The following KTN1 variants were observed in gnomAD, a reference collection of about 807,000 sequenced individuals.
KTN1 encodes kinectin.
Under a neutral mutation model 222.5 loss-of-function variants are expected in KTN1, and 130 were observed. The ratio of observed to expected loss-of-function variants is 0.58; its 90% CI spans 0.51 to 0.68. KTN1 has a LOEUF of 0.68. Among genes scored for constraint, KTN1 ranks in the 30% least tolerant of loss-of-function variants. The pLI is 0.00. For synonymous variants in KTN1, 512 were observed against 496.3 expected (o/e 1.03, Z -0.42); for missense variants, 1,508 against 1,500.4 (o/e 1.01, Z -0.08).
intron 1 of KTN1, among the ~76,000 whole-genome samples, chr14:55,591,044 A>G (rs1036153828): frequency 1.3e-5 from 2 of 151,110 alleles, no homozygotes; most frequent in Non-Finnish European, 3.0e-5. Context: ...ATATTTTACA[A>G]CCTGTTTCCT....
chr14:55,580,593 G>C (rs977856692), intron 1 of KTN1, among the ~76,000 whole-genome samples: 1 of 151,708 alleles, frequency 6.6e-6, no homozygotes, highest in African/African-American at 2.4e-5. Flanking sequence ...CGGCCTCGCG[G>C]GGCCGCTCTG....
At chr14:55,660,136 C>T (rs1322094496) in intron 31 of KTN1, among the ~76,000 whole-genome samples, 1 of 151,972 alleles carries the variant, frequency 6.6e-6, no homozygotes, top group Non-Finnish European at 1.5e-5. Flanking sequence ...ATCCCAGCAG[C>T]TGGGGAGACT....
At chr14:55,606,885 C>G (rs1489209375) in intron 1 of KTN1, among the ~76,000 whole-genome samples, 1 of 152,126 alleles carries the variant, frequency 6.6e-6, no homozygotes, top group African/African-American at 2.4e-5. Flanking sequence ...ATACTCAACA[C>G]AAAACTTTTA....
chr14:55,683,682 T>C (rs2046556630), intron 43 of KTN1: 1 of 152,854 alleles, frequency 6.5e-6, no homozygotes, highest in African/African-American at 2.5e-5. Context: ...TCATCTTATC[T>C]GACTTAGAAA....
chr14:55,610,794 A>G (rs1434037616), intron 1 of KTN1, among the ~76,000 whole-genome samples: 1 of 152,240 alleles, frequency 6.6e-6, no homozygotes, highest in Non-Finnish European at 1.5e-5. Flanking sequence ...CATCAGAATC[A>G]TTTATACTTT....
chr14:55,658,720 G>A (rs773770779), intron 30 of KTN1, 106 bp downstream of exon 30: 18 of 681,654 alleles, frequency 2.6e-5, no homozygotes, highest in African/African-American at 5.5e-5. Context: ...TGAGAATGAA[G>A]TATGTTTTAT....
At chr14:55,656,361 T>A in intron 29 of KTN1, 1 of 388,496 alleles carries the variant, frequency 2.6e-6, no homozygotes, top group Non-Finnish European at 4.6e-6. Context: ...AACTTGTATA[T>A]TTTGCTTTCT....
chr14:55,651,976 T>C (rs745917236), intron 25 of KTN1, 49 bp downstream of exon 25: 2 of 1,128,518 alleles, frequency 1.8e-6, no homozygotes, highest in South Asian at 1.4e-5. Flanking sequence ...TTTCATGAGT[T>C]AAATAGAAGT....
At chr14:55,584,622 T>G (rs2032536839) in intron 1 of KTN1, among the ~76,000 whole-genome samples, 1 of 152,232 alleles carries the variant, frequency 6.6e-6, no homozygotes, top group African/African-American at 2.4e-5. Context: ...GTCTGATTCT[T>G]GTACCTTGCT....
intron 18 of KTN1, chr14:55,644,576 T>C (rs2042115372): frequency 2.1e-6 from 1 of 469,906 alleles, no homozygotes; most frequent in Non-Finnish European, 3.8e-6. Flanking sequence ...TTTTTTTTTT[T>C]TTTGCTGTGG....
intron 41 of KTN1, among the ~76,000 whole-genome samples, chr14:55,676,658 C>T (rs1041894458): frequency 2.0e-5 from 3 of 152,004 alleles, no homozygotes; most frequent in African/African-American, 7.3e-5. Context: ...TTCCCTATAC[C>T]CTCACCAATA....
rs1303248626 is a variant in KTN1 at position 55,640,956 on chromosome 14, G to C, written c.2007G>C (p.Glu669Asp). The change falls in exon 16 of 44, where the codon GAG becomes GAC. Residue 669 changes from glutamate (E) to aspartate (D), a missense_variant. Transcript: ENST00000395314. ...NEQAAAAHEL[E>D]KMQQSVYVKD... ...AGGCTGCTGCTGCACATGAATTGGAGAAGATGCAACAAAGGTGACTAAAGT... is the reference window on the plus strand; with the variant it reads ...AGGCTGCTGCTGCACATGAATTGGACAAGATGCAACAAAGGTGACTAAAGT... 2 of 1,611,508 alleles carry C rather than the reference G, an allele frequency of 1.2e-6. No individual in the cohort carries two copies. Among genetic ancestry groups the C allele is most frequent in the Middle Eastern group, 1.7e-4 (1 of 5,952 alleles).
intron 4 of KTN1, among the ~76,000 whole-genome samples, chr14:55,618,862 T>A (rs1380810044): frequency 6.6e-6 from 1 of 152,226 alleles, no homozygotes; most frequent in Non-Finnish European, 1.5e-5. Context: ...TCATTGAGAT[T>A]ATTGTGAATA....
chr14:55,649,682 T>C, intron 21 of KTN1, 94 bp from the exon 22 acceptor site: 1 of 738,952 alleles, frequency 1.4e-6, no homozygotes, highest in Non-Finnish European at 2.2e-6. Context: ...TGGATTTTGA[T>C]TGTATTGGAA....
rs550341216 is a variant in KTN1 at position 55,670,666 on chromosome 14, C to T, written c.3268-63C>T. ...TAATTTGGTTATTTTAAATGTTTCA[C>T]CTGTTTTATTTGGATTTTTTTTTTC... is the stretch of plus-strand genomic sequence containing the variant. On this transcript the variant is annotated intron_variant, in intron 34 of 43. Coordinates refer to ENST00000395314, the MANE Select transcript of KTN1 (RefSeq NM_001079521.2). 1.2e-5 allele frequency: 13 copies of T among 1,098,150 alleles called. No homozygotes were observed. In the East Asian group the frequency reaches 1.5e-4, roughly 13 times the overall value. The allele number at this position is 1,098,150 out of a possible 1,614,324, so 68.0% of individuals were successfully genotyped here.
chr14:55,613,855 G>GT (rs1281437203), intron 2 of KTN1, among the ~76,000 whole-genome samples: 1 of 152,122 alleles, frequency 6.6e-6, no homozygotes, highest in Non-Finnish European at 1.5e-5. Flanking sequence ...AAAAGGACAC[G>GT]TAAGCCAGTA....
chr14:55,658,546 G>A lies in KTN1; in HGVS notation c.2893G>A (p.Asp965Asn). ...DLSSKTQLLQ[D>N]VQDENKLFKS... ...TGATGTTTAATTTTTATTTAATTAG[G>A]ATGTACAAGATGAAAACAAATTGTT... The change falls in exon 30 of 44, where the codon GAT becomes AAT. Residue 965 changes from aspartate to asparagine, a missense_variant and splice_region_variant. Coordinates refer to ENST00000395314, the MANE Select transcript of KTN1 (RefSeq NM_001079521.2). The A allele has an allele frequency of 6.5e-7, 1 of 1,545,544 alleles. No homozygotes were observed. The highest frequency in any genetic ancestry group is 1.4e-5 in the African/African-American group (1 of 73,420).
chr14:55,679,482 G>C, intron 42 of KTN1, 83 bp from the exon 43 acceptor site: 3 of 1,107,200 alleles, frequency 2.7e-6, no homozygotes, highest in Non-Finnish European at 3.9e-6. Flanking sequence ...GTTTAAATCA[G>C]CAATATAACA....
At chr14:55,652,053 C>T (rs1033004335) in intron 25 of KTN1, 126 bp downstream of exon 25, 2 of 635,146 alleles carry the variant, frequency 3.1e-6, no homozygotes, top group Non-Finnish European at 5.3e-6. Context: ...CTGATTATCT[C>T]AAAACTCCTA....
Sources: allele counts gnomAD v4.1 joint callset (sites outside exome capture counted in the v4.1 genomes callset), GRCh38; gene constraint gnomAD v4.1.1; transcripts MANE v1.5; gene names NCBI Gene and HGNC (gene_info 2026-07-23, HGNC 2026-07-21).